The following DLC1 variants were observed in gnomAD, a reference collection of about 807,000 sequenced individuals.
DLC1 encodes the protein DLC1 Rho GTPase activating protein.
DLC1 carries 54 observed loss-of-function variants against 140.3 expected under a neutral mutation model. The ratio of observed to expected loss-of-function variants is 0.38; its 90% CI spans 0.31 to 0.48. The LOEUF (loss-of-function observed/expected upper bound fraction) is 0.48, where lower values mean the gene tolerates loss of function less well. DLC1 is among the 20% of genes least tolerant of loss of function. The pLI is 0.96. For missense variants in DLC1, 2,536 were observed against 1,907.0 expected, an observed-to-expected ratio of 1.33 and a Z score of -6.14; for synonymous variants, 986 against 728.1, an observed-to-expected ratio of 1.35 and a Z score of -5.70.
chr8:13,113,724 T>C (rs1485070403), intron 6 of DLC1, among the ~76,000 whole-genome samples: 2 of 152,216 alleles, frequency 1.3e-5, no homozygotes, highest in Non-Finnish European at 2.9e-5. Flanking sequence ...AAAGCCCTTC[T>C]AAATGTTAAC....
intron 1 of DLC1, among the ~76,000 whole-genome samples, chr8:13,543,075 T>C (rs1416729381): frequency 6.6e-6 from 1 of 152,172 alleles, no homozygotes; most frequent in Non-Finnish European, 1.5e-5. Flanking sequence ...AGTGATTTTA[T>C]AAATTAACTA....
intron 2 of DLC1, among the ~76,000 whole-genome samples, chr8:13,435,853 C>T (rs900409830): frequency 6.6e-6 from 1 of 152,160 alleles, no homozygotes; most frequent in African/African-American, 2.4e-5. Context: ...AAGAGTCTAT[C>T]AATGCAGCAA....
At chr8:13,333,792 C>G (rs1359966281) in intron 4 of DLC1, among the ~76,000 whole-genome samples, 1 of 152,154 alleles carries the variant, frequency 6.6e-6, no homozygotes, top group African/African-American at 2.4e-5. Context: ...TGTTAGATAT[C>G]TACAAACATG....
chr8:13,526,768 G>A (rs1585243250), intron 1 of DLC1, among the ~76,000 whole-genome samples: 1 of 151,932 alleles, frequency 6.6e-6, no homozygotes, highest in South Asian at 2.1e-4. Flanking sequence ...ACCAGGGCCT[G>A]CCAGGGGGTT....
intron 5 of DLC1, among the ~76,000 whole-genome samples, chr8:13,152,256 C>G (rs745674649): frequency 3.9e-5 from 6 of 152,208 alleles, no homozygotes; most frequent in African/African-American, 1.4e-4. Context: ...CAGAAGTTAC[C>G]ATCTAGTCAT....
intron 2 of DLC1, among the ~76,000 whole-genome samples, chr8:13,464,139 C>T (rs1383076260): frequency 6.6e-6 from 1 of 152,084 alleles, no homozygotes; most frequent in East Asian, 1.9e-4. Context: ...CACAGAGAAA[C>T]AAAGCTTCTT....
chr8:13,399,736 G>A (rs918681399), intron 3 of DLC1, among the ~76,000 whole-genome samples: 1 of 152,028 alleles, frequency 6.6e-6, no homozygotes, highest in African/African-American at 2.4e-5. Flanking sequence ...CTCTACCTGT[G>A]CTTTAATTTA....
At chr8:13,331,188 A>G (rs1022804728) in intron 4 of DLC1, among the ~76,000 whole-genome samples, 6 of 152,208 alleles carry the variant, frequency 3.9e-5, no homozygotes, top group African/African-American at 1.4e-4. Flanking sequence ...TGGTTTGTAA[A>G]CAAGCCCAAA....
intron 2 of DLC1, among the ~76,000 whole-genome samples, chr8:13,418,923 C>T (rs1376472854): frequency 2.6e-5 from 4 of 151,898 alleles, no homozygotes. Context: ...TTGAAGAGGT[C>T]CTTCACGTCC....
chr8:13,248,438 C>G (rs1316596795), intron 5 of DLC1, among the ~76,000 whole-genome samples: 1 of 152,076 alleles, frequency 6.6e-6, no homozygotes, highest in Non-Finnish European at 1.5e-5. Flanking sequence ...AATCCTTATT[C>G]TCCCAACTCT....
At chr8:13,160,950 G>A (rs868656829) in intron 5 of DLC1, among the ~76,000 whole-genome samples, 1 of 152,208 alleles carries the variant, frequency 6.6e-6, no homozygotes, top group South Asian at 2.1e-4. Flanking sequence ...GTGTGGTGGC[G>A]GGTACCTGTA....
At chr8:13,460,945 G>A (rs1799627155) in intron 2 of DLC1, among the ~76,000 whole-genome samples, 2 of 152,224 alleles carry the variant, frequency 1.3e-5, no homozygotes, top group Admixed American at 6.5e-5. Context: ...GGGTGCCAAG[G>A]CTCATCCCTG....
intron 4 of DLC1, among the ~76,000 whole-genome samples, chr8:13,386,116 T>C (rs1374205714): frequency 1.3e-5 from 2 of 152,186 alleles, no homozygotes; most frequent in Non-Finnish European, 1.5e-5. Flanking sequence ...AGAAGTCACA[T>C]TGGTCCACGG....
chr8:13,530,722 A>G (rs980577995), intron 1 of DLC1, among the ~76,000 whole-genome samples: 1 of 152,220 alleles, frequency 6.6e-6, no homozygotes, highest in African/African-American at 2.4e-5. Flanking sequence ...ATTAGTACTC[A>G]TATTTTAATA....
rs561631885 is a variant in DLC1 at position 13,126,225 on chromosome 8, CCCAG to C, written c.1349-10572_1349-10569del. Among the ~76,000 whole-genome samples the C allele has an allele frequency of 5.5e-3, 833 of 151,840 alleles. 3 individuals carry two copies. The highest frequency in any genetic ancestry group is 9.2e-3 in the Non-Finnish European group (628 of 67,896). Reference sequence around the variant, plus strand: ...AATAATCAAAAATTGGCACTTATTACCCAGCAAAAAGAGGTCAAACTGAAATCAA... The same window carrying C: ...AATAATCAAAAATTGGCACTTATTACCAAAAAGAGGTCAAACTGAAATCAA... On this transcript the variant is annotated intron_variant, in intron 5 of 17. Transcript: ENST00000276297.
intron 4 of DLC1, chr8:13,342,390 C>G (rs1367490164): frequency 1.3e-5 from 2 of 152,190 alleles, no homozygotes; most frequent in African/African-American, 4.8e-5. Context: ...TTTTATGTGT[C>G]AACTTGGCAA....
chr8:13,560,554 C>G (rs1804205938), intron 1 of DLC1, among the ~76,000 whole-genome samples: 1 of 152,170 alleles, frequency 6.6e-6, no homozygotes, highest in Non-Finnish European at 1.5e-5. Flanking sequence ...ACCCCAAAAG[C>G]AGATTGTGTA....
chr8:13,300,494 C>G (rs1174829831), intron 5 of DLC1, among the ~76,000 whole-genome samples: 1 of 152,172 alleles, frequency 6.6e-6, no homozygotes, highest in Admixed American at 6.5e-5. Flanking sequence ...CATTGTCCCA[C>G]CATCCCCCTC....
At chr8:13,487,466 C>T (rs1402833416) in intron 2 of DLC1, among the ~76,000 whole-genome samples, 6 of 152,124 alleles carry the variant, frequency 3.9e-5, no homozygotes, top group Non-Finnish European at 8.8e-5. Context: ...CAGCACTAAT[C>T]TTTCCCACTC....
Sources: allele counts gnomAD v4.1 joint callset (sites outside exome capture counted in the v4.1 genomes callset), GRCh38; gene constraint gnomAD v4.1.1; transcripts MANE v1.5; gene names NCBI Gene and HGNC (gene_info 2026-07-23, HGNC 2026-07-21).